Variants in NBAS observed in about 807,000 individuals in gnomAD.
The protein encoded by NBAS is NAG/BC035112 fusion.
In NBAS, 219 loss-of-function variants were observed where a neutral mutation model predicts 302.5. That is an observed-to-expected ratio of 0.72 (90% CI 0.65 to 0.81). The LOEUF is 0.81. NBAS is among the 30% of genes least tolerant of loss of function. The pLI is 0.00. For synonymous variants in NBAS, 1,118 were observed against 1,021.6 expected, an observed-to-expected ratio of 1.09 and a Z score of -1.80; for missense variants, 2,932 against 2,841.6, an observed-to-expected ratio of 1.03 and a Z score of -0.72.
At chr2:14,934,586 T>G in the NBAS span, among the ~76,000 whole-genome samples, 2 of 152,214 alleles carry the variant, frequency 1.3e-5, no homozygotes, top group Admixed American at 1.3e-4. Context: ...GAAACCACTT[T>G]CCATTTCCTT....
the NBAS span, among the ~76,000 whole-genome samples, chr2:14,995,550 A>C: frequency 6.6e-6 from 1 of 152,322 alleles, no homozygotes; most frequent in East Asian, 1.9e-4. Flanking sequence ...CACATGGAAT[A>C]GGCTTCCCCA....
At chr2:15,336,932 T>C (rs1235467923) in intron 35 of NBAS, among the ~76,000 whole-genome samples, 2 of 152,068 alleles carry the variant, frequency 1.3e-5, no homozygotes, top group African/African-American at 4.8e-5. Context: ...TTAAGCAGAC[T>C]ACAACTACAT....
At chr2:14,859,554 CA>C in the NBAS span, among the ~76,000 whole-genome samples, 1 of 151,964 alleles carries the variant, frequency 6.6e-6, no homozygotes, top group African/African-American at 2.4e-5. Flanking sequence ...AACTCATCTT[CA>C]ACAAAGGTAC....
At chr2:14,899,714 G>A in the NBAS span, among the ~76,000 whole-genome samples, 11,511 of 150,690 alleles carry the variant, frequency 0.076, 590 homozygotes, top group Non-Finnish European at 0.11. Flanking sequence ...ATTCTTTCAG[G>A]GTCCTTTAAA....
the NBAS span, among the ~76,000 whole-genome samples, chr2:15,094,387 T>C: frequency 6.6e-6 from 1 of 152,206 alleles, no homozygotes; most frequent in South Asian, 2.1e-4. Context: ...TAGTGTTTGT[T>C]ATGGAAATTG....
At chr2:15,560,467 C>G (rs922304289) in intron 1 of NBAS, among the ~76,000 whole-genome samples, 2 of 152,092 alleles carry the variant, frequency 1.3e-5, no homozygotes, top group African/African-American at 4.8e-5. Context: ...CTAACTATAG[C>G]GCATAAAACG....
intron 41 of NBAS, among the ~76,000 whole-genome samples, chr2:15,290,406 T>C (rs1670255868): frequency 6.6e-6 from 1 of 152,192 alleles, no homozygotes; most frequent in African/African-American, 2.4e-5. Flanking sequence ...AAAGCATATA[T>C]TTGTCCTCTA....
chr2:15,132,769 C>T, the NBAS span, among the ~76,000 whole-genome samples: 16 of 151,324 alleles, frequency 1.1e-4, no homozygotes, highest in Non-Finnish European at 2.2e-4. Flanking sequence ...TTTTAAAAGT[C>T]AGCAACTCAA....
chr2:14,927,753 G>A, the NBAS span, among the ~76,000 whole-genome samples: 1 of 152,208 alleles, frequency 6.6e-6, no homozygotes. Context: ...CCTAATAGGT[G>A]CAGAAGTGTT....
the NBAS span, among the ~76,000 whole-genome samples, chr2:14,814,287 G>A: frequency 6.6e-6 from 1 of 152,194 alleles, no homozygotes; most frequent in South Asian, 2.1e-4. Context: ...CCAAATGGTA[G>A]ATCCACTGAC....
At chr2:14,990,277 A>T in the NBAS span, among the ~76,000 whole-genome samples, 3 of 148,652 alleles carry the variant, frequency 2.0e-5, no homozygotes, top group Admixed American at 1.3e-4. Flanking sequence ...AAAAAAAAAA[A>T]GCTGGGCATG....
chr2:15,090,205 G>T, the NBAS span, among the ~76,000 whole-genome samples: 13 of 152,274 alleles, frequency 8.5e-5, no homozygotes, highest in Non-Finnish European at 1.5e-4. Context: ...TTCAAGGTGT[G>T]AACTGGAACA....
At chr2:15,488,274 TTACTC>T (rs1179328113) in intron 12 of NBAS, among the ~76,000 whole-genome samples, 6 of 152,196 alleles carry the variant, frequency 3.9e-5, no homozygotes, top group Non-Finnish European at 8.8e-5. Flanking sequence ...CTTTAAACCT[TTACTC>T]TATCACAATA....
chr2:15,374,966 C>T (rs1300149255), intron 30 of NBAS, among the ~76,000 whole-genome samples: 1 of 152,178 alleles, frequency 6.6e-6, no homozygotes, highest in African/African-American at 2.4e-5. Flanking sequence ...CCCACAGTTA[C>T]ATCCACAGTA....
At chr2:14,850,469 C>T in the NBAS span, among the ~76,000 whole-genome samples, 3 of 96,464 alleles carry the variant, frequency 3.1e-5, 1 homozygote, top group African/African-American at 1.9e-4. Flanking sequence ...GACTCCCACA[C>T]ATTAATAATG....
chr2:15,347,441 G>A (rs902987306), intron 35 of NBAS, among the ~76,000 whole-genome samples: 9 of 152,182 alleles, frequency 5.9e-5, no homozygotes, highest in Non-Finnish European at 1.3e-4. Flanking sequence ...TGCTGGCCAA[G>A]ATACTGTAAT....
the NBAS span, among the ~76,000 whole-genome samples, chr2:15,101,426 AT>A: frequency 6.6e-6 from 1 of 152,242 alleles, no homozygotes; most frequent in East Asian, 1.9e-4. Flanking sequence ...TATATAAGTT[AT>A]GTATAGACTT....
chr2:14,930,656 T>C, the NBAS span, among the ~76,000 whole-genome samples: 1 of 152,228 alleles, frequency 6.6e-6, no homozygotes, highest in Admixed American at 6.5e-5. Context: ...GCCCATGGCT[T>C]CTGAGTGGAC....
chr2:15,054,934 C>T, the NBAS span, among the ~76,000 whole-genome samples: 1 of 152,330 alleles, frequency 6.6e-6, no homozygotes, highest in East Asian at 1.9e-4. Context: ...TTATCACCCT[C>T]CTGAGGATTC....
Sources: allele counts gnomAD v4.1 joint callset (sites outside exome capture counted in the v4.1 genomes callset), GRCh38; gene constraint gnomAD v4.1.1; transcripts MANE v1.5; gene names NCBI Gene and HGNC (gene_info 2026-07-23, HGNC 2026-07-21).